EPG5: variants seen among roughly 807,000 people sequenced by gnomAD.
EPG5 encodes ectopic P-granules 5 autophagy tethering factor.
Under a neutral mutation model 302.7 loss-of-function variants are expected in EPG5, and 159 were observed. That is an observed-to-expected ratio of 0.53 (90% CI 0.46 to 0.60). The LOEUF is 0.60. Ranked by LOEUF, EPG5 falls within the 20% of genes least tolerant of loss-of-function variation. EPG5 has a pLI of 0.00. For missense variants in EPG5, 2,896 were observed against 3,092.4 expected, an observed-to-expected ratio of 0.94 and a Z score of 1.51; for synonymous variants, 1,158 against 1,136.8, an observed-to-expected ratio of 1.02 and a Z score of -0.37.
Position 45,920,991 on chromosome 18 carries a change from A to C in EPG5, c.3098+1350T>G, listed in dbSNP as rs531371216. ...TACTTAGAGAACTGGCCCCCAGCCC[A>C]CTTAGGCCAGGATTCTCACCCTTTT... On this transcript the variant is annotated intron_variant, in intron 16 of 43. Transcript: ENST00000282041. 5.9e-5 allele frequency among the ~76,000 whole-genome samples: 9 copies of C among 152,326 alleles called. No individual in the cohort carries two copies. In the East Asian group the frequency reaches 1.7e-3, roughly 29 times the overall value.
intron 28 of EPG5, among the ~76,000 whole-genome samples, chr18:45,888,406 C>A (rs921181235): frequency 2.0e-5 from 3 of 152,072 alleles, no homozygotes; most frequent in East Asian, 1.9e-4. Context: ...AGGGTTCAAG[C>A]GATTCTAACA....
At position 45,860,288 on chromosome 18, in the gene EPG5, C is replaced by T. The variant is rs768330083; in HGVS notation, c.6825G>A (p.Met2275Ile). 15 of 1,614,248 alleles carry T rather than the reference C, an allele frequency of 9.3e-6. No homozygotes were observed. The African/African-American group carries it at 1.7e-4, about 19-fold the overall frequency. Residue 2275 changes from methionine (M) to isoleucine (I), a missense_variant, in exon 40 of 44, where the codon ATG becomes ATA. By Grantham distance (10) the Met-to-Ile change is conservative. Around this residue, in one of 5 missense-constraint regions of EPG5, gnomAD observed 620 missense variants for 704.2 expected, o/e 0.88. Transcript: ENST00000282041. ...TTGGAATAGTCGCGTTGTTCATCAT[C>T]ATCAGGACTTCCATAAAGAGGCTGC... Reference protein sequence around the residue: ...ALSSLFMEVLMMMNNATIPTA... With the variant: ...ALSSLFMEVLIMMNNATIPTA...
Position 45,870,579 on chromosome 18 carries a change from C to T in EPG5, c.6213G>A (p.Glu2071=), listed in dbSNP as rs1799077479. ...KDLHPDQMLM[E]AFFKVERGSP... Reference sequence around the variant, plus strand: ...ATGAAGGGCTTACTTTGAAGAAGGCCTCCATGAGCATCTGGTCAGGGTGCA... The same window carrying T: ...ATGAAGGGCTTACTTTGAAGAAGGCTTCCATGAGCATCTGGTCAGGGTGCA... The change falls in exon 36 of 44, where the codon GAG becomes GAA. Residue 2071 remains glutamate (E), a synonymous_variant. Coordinates refer to ENST00000282041, the MANE Select transcript of EPG5 (RefSeq NM_020964.3). 5 of 1,613,192 alleles carry T rather than the reference C, an allele frequency of 3.1e-6. No homozygotes were observed. The highest frequency in any genetic ancestry group is 4.2e-6 in the Non-Finnish European group (5 of 1,179,326).
the EPG5 span, among the ~76,000 whole-genome samples, chr18:45,809,232 A>C: frequency 3.3e-5 from 5 of 152,208 alleles, no homozygotes; most frequent in Non-Finnish European, 7.3e-5. Context: ...TAAAACAATT[A>C]CTAGACCTAA....
the EPG5 span, among the ~76,000 whole-genome samples, chr18:45,821,936 T>C: frequency 6.6e-6 from 1 of 152,100 alleles, no homozygotes; most frequent in Non-Finnish European, 1.5e-5. Flanking sequence ...AGAATAGCTA[T>C]TACCAAAGGG....
the EPG5 span, among the ~76,000 whole-genome samples, chr18:45,841,270 A>C: frequency 6.6e-6 from 1 of 151,992 alleles, no homozygotes; most frequent in South Asian, 2.1e-4. Context: ...GGAGCGGTGG[A>C]GTTCCAGAGA....
intron 27 of EPG5, 89 bp downstream of exon 27, chr18:45,899,315 A>T: frequency 6.9e-7 from 1 of 1,444,102 alleles, no homozygotes; most frequent in Non-Finnish European, 9.6e-7. Flanking sequence ...ACAGTGTGCT[A>T]TATATGTCTT....
intron 10 of EPG5, among the ~76,000 whole-genome samples, chr18:45,937,461 C>T (rs2050563027): frequency 6.6e-6 from 1 of 151,984 alleles, no homozygotes; most frequent in Admixed American, 6.6e-5. Context: ...GGCTGGAGTA[C>T]AGTGGCGCGA....
chr18:45,912,424 C>A lies in EPG5; in HGVS notation c.3849G>T (p.Val1283=). Residue 1283 remains valine (V), a synonymous_variant, in exon 22 of 44, where the codon GTG becomes GTT. Transcript: ENST00000282041. Reference sequence around the variant, plus strand: ...AAATCAGCAGCCTCTGGAGGGATGGCACGATGGGGAGCTTCAGCTGGGTCT... The same window carrying A: ...AAATCAGCAGCCTCTGGAGGGATGGAACGATGGGGAGCTTCAGCTGGGTCT... ...KAQTQLKLPI[V]PSLQRLLIYR... is the part of the protein sequence containing the mutation. The A allele has an allele frequency of 6.2e-7, 1 of 1,604,476 alleles. No homozygotes were observed.
chr18:45,842,669 AATC>A (rs2048335407), downstream of EPG5: 1 of 160,434 alleles, frequency 6.2e-6, no homozygotes, highest in East Asian at 1.8e-4. Flanking sequence ...GAACACGGAC[AATC>A]ATATTCTTCC....
intron 40 of EPG5, among the ~76,000 whole-genome samples, 160 bp from the exon 41 acceptor site, chr18:45,858,942 T>C (rs1462034222): frequency 2.6e-5 from 4 of 152,196 alleles, no homozygotes; most frequent in African/African-American, 9.6e-5. Context: ...TACAGTGACC[T>C]TGGAGGCTAC....
At position 45,954,475 on chromosome 18, in the gene EPG5, A is replaced by C; in HGVS notation, c.927T>G (p.Ala309=). Reference sequence around the variant, plus strand: ...AATCAGATGTCAGAGTAAGCAGCTCAGCTTCAGCCAGCAGCAGTTGCTTCC... The same window carrying C: ...AATCAGATGTCAGAGTAAGCAGCTCCGCTTCAGCCAGCAGCAGTTGCTTCC... The part of the protein sequence containing the change: ...RCRKQLLLAE[A]ELLTLTSDCQ... The change falls in exon 2 of 44, where the codon GCT becomes GCG. Residue 309 remains alanine, a synonymous_variant. Coordinates refer to ENST00000282041, the MANE Select transcript of EPG5 (RefSeq NM_020964.3). 6.2e-7 allele frequency: 1 copy of C among 1,614,270 alleles called. No individual in the cohort carries two copies. Among genetic ancestry groups the C allele is most frequent in the Non-Finnish European group, 8.5e-7 (1 of 1,180,036 alleles).
rs774921717 is a variant in EPG5 at position 45,922,607 on chromosome 18, CAATT to C, written c.2839-11_2839-8del. On this transcript the variant is annotated splice_region_variant and splice_polypyrimidine_tract_variant and intron_variant, in intron 15 of 43. Coordinates refer to ENST00000282041, the MANE Select transcript of EPG5 (RefSeq NM_020964.3). The stretch of plus-strand genomic sequence containing the variant: ...TACTGGCCAAATATGAAACCTAAAA[CAATT>C]ATTTATTTTGAGCCACATTAGTCAC... 3.7e-6 allele frequency: 6 copies of C among 1,612,982 alleles called. No individual in the cohort carries two copies. The highest frequency in any genetic ancestry group is 5.1e-6 in the Non-Finnish European group (6 of 1,179,298).
chr18:45,946,681 T>C lies in EPG5; in HGVS notation c.1659A>G (p.Val553=). The C allele has an allele frequency of 6.2e-7, 1 of 1,614,014 alleles. No individual in the cohort carries two copies. Among genetic ancestry groups the C allele is most frequent in the South Asian group, 1.1e-5 (1 of 91,076 alleles). Residue 553 remains valine, a synonymous_variant, in exon 7 of 44, where the codon GTA becomes GTG. Transcript: ENST00000282041. Reference sequence around the variant, plus strand: ...AAGTTACCTCTTCTCCTCCTTCGTCTACTAGCGTCCAAGTCCCAGACCCAG... The same window carrying C: ...AAGTTACCTCTTCTCCTCCTTCGTCCACTAGCGTCCAAGTCCCAGACCCAG... ...SGPGSGTWTL[V]DEGGEEDEDP...
chr18:45,828,336 C>G, the EPG5 span, among the ~76,000 whole-genome samples: 1 of 152,228 alleles, frequency 6.6e-6, no homozygotes, highest in African/African-American at 2.4e-5. Flanking sequence ...CCATACTCGA[C>G]ACCCAGTGCC....
At chr18:45,865,798 C>T in intron 38 of EPG5, 39 bp from the exon 39 acceptor site, 1 of 1,589,886 alleles carries the variant, frequency 6.3e-7, no homozygotes, top group Non-Finnish European at 8.5e-7. Context: ...CAAATGAATC[C>T]AAGCAAGGAG....
intron 17 of EPG5, chr18:45,916,822 A>C: frequency 3.5e-6 from 1 of 289,160 alleles, no homozygotes; most frequent in East Asian, 6.4e-5. Context: ...TGCAAGTTAA[A>C]CAGCATTAGA....
chr18:45,953,690 C>T, intron 2 of EPG5: 1 of 985,346 alleles, frequency 1.0e-6, no homozygotes, highest in Non-Finnish European at 1.2e-6. Flanking sequence ...CCTTTGGGGG[C>T]TCTGTGTTAC....
the EPG5 span, among the ~76,000 whole-genome samples, chr18:45,818,413 C>G: frequency 3.9e-5 from 6 of 152,196 alleles, no homozygotes; most frequent in African/African-American, 1.4e-4. Context: ...CTAATTGTTT[C>G]TAAAGAGATG....
Sources: gnomAD v4.1 joint callset for allele counts (sites outside exome capture counted in the v4.1 genomes callset) on GRCh38, gnomAD v4.1.1 for gene constraint, gnomAD v4.1.1 regional missense constraint, MANE v1.5 for transcripts, NCBI Gene and HGNC (gene_info 2026-07-23, HGNC 2026-07-21) for gene names.